Variants in DDX10 observed in about 807,000 individuals in gnomAD.
DDX10 encodes probable ATP-dependent RNA helicase DDX10.
DDX10 carries 74 observed loss-of-function variants against 104.3 expected under a neutral mutation model. That is an observed-to-expected ratio of 0.71 (90% CI 0.59 to 0.86). The LOEUF is 0.86. DDX10 is among the 40% of genes least tolerant of loss of function. DDX10 has a pLI of 0.00. For missense variants in DDX10, 952 were observed against 1,040.0 expected, an observed-to-expected ratio of 0.92 and a Z score of 1.16; for synonymous variants, 351 against 353.4, an observed-to-expected ratio of 0.99 and a Z score of 0.08.
chr11:108,906,748 A>T (rs970692388), intron 16 of DDX10, among the ~76,000 whole-genome samples: 2 of 152,248 alleles, frequency 1.3e-5, no homozygotes, highest in Admixed American at 6.5e-5. Flanking sequence ...CCATTATTTA[A>T]TAGGGCGTTA....
intron 9 of DDX10, among the ~76,000 whole-genome samples, chr11:108,696,004 G>A (rs563978402): frequency 6.6e-6 from 1 of 152,178 alleles, no homozygotes; most frequent in South Asian, 2.1e-4. Context: ...GTTAGGATTA[G>A]GTTTTGTATA....
At chr11:108,869,156 A>G (rs182878934) in intron 16 of DDX10, among the ~76,000 whole-genome samples, 305 of 151,792 alleles carry the variant, frequency 2.0e-3, no homozygotes, top group African/African-American at 7.0e-3. Flanking sequence ...AAAGCCATGC[A>G]CACAATTCTA....
intron 13 of DDX10, among the ~76,000 whole-genome samples, chr11:108,761,468 A>G (rs1257516045): frequency 6.6e-6 from 1 of 151,980 alleles, no homozygotes; most frequent in Non-Finnish European, 1.5e-5. Context: ...TAAACTTCAA[A>G]TCTTTTCTAT....
chr11:108,739,969 T>C (rs928797180), intron 13 of DDX10, among the ~76,000 whole-genome samples: 1 of 151,522 alleles, frequency 6.6e-6, no homozygotes, highest in Non-Finnish European at 1.5e-5. Flanking sequence ...AAGTTTTGGC[T>C]ACCCACCTTT....
At chr11:108,849,839 C>T (rs766377258) in intron 15 of DDX10, among the ~76,000 whole-genome samples, 1 of 152,068 alleles carries the variant, frequency 6.6e-6, no homozygotes, top group Non-Finnish European at 1.5e-5. Context: ...TACTTTTCTC[C>T]TGAAGTAATT....
At chr11:108,754,970 G>T (rs919733274) in intron 13 of DDX10, among the ~76,000 whole-genome samples, 4 of 152,018 alleles carry the variant, frequency 2.6e-5, no homozygotes, top group Non-Finnish European at 5.9e-5. Context: ...TTCACTATTT[G>T]AGGAAATCTG....
chr11:108,894,222 T>TAC (rs1353285621), intron 16 of DDX10, among the ~76,000 whole-genome samples: 1 of 152,062 alleles, frequency 6.6e-6, no homozygotes, highest in Non-Finnish European at 1.5e-5. Context: ...GATTGGCACT[T>TAC]AGTTTTCAGA....
At chr11:108,882,685 G>C (rs1863242969) in intron 16 of DDX10, among the ~76,000 whole-genome samples, 1 of 152,186 alleles carries the variant, frequency 6.6e-6, no homozygotes, top group Admixed American at 6.5e-5. Context: ...GATGGGAAGT[G>C]AGACTTAACA....
intron 13 of DDX10, among the ~76,000 whole-genome samples, chr11:108,785,895 AT>A (rs140446950): frequency 1.3e-5 from 2 of 152,012 alleles, no homozygotes; most frequent in East Asian, 3.9e-4. Context: ...TTAGAGTTGA[AT>A]TTTTGTTTTG....
intron 6 of DDX10, among the ~76,000 whole-genome samples, chr11:108,688,650 T>C (rs2134448199): frequency 6.6e-6 from 1 of 152,342 alleles, no homozygotes; most frequent in South Asian, 2.1e-4. Context: ...CAAGTTCTCT[T>C]ACACCTCTTC....
chr11:108,665,452 G>A, intron 1 of DDX10, 113 bp downstream of exon 1: 1 of 1,266,402 alleles, frequency 7.9e-7, no homozygotes, highest in Non-Finnish European at 1.1e-6. Flanking sequence ...ACCCGGCCGG[G>A]AATGAGAGGT....
At chr11:108,850,011 T>TA (rs1862770154) in intron 15 of DDX10, among the ~76,000 whole-genome samples, 1 of 152,158 alleles carries the variant, frequency 6.6e-6, no homozygotes, top group Admixed American at 6.6e-5. Flanking sequence ...TACTCTTGGC[T>TA]CTTTTCAGAG....
At chr11:108,841,830 A>G (rs1435284618) in intron 15 of DDX10, among the ~76,000 whole-genome samples, 1 of 152,190 alleles carries the variant, frequency 6.6e-6, no homozygotes, top group Non-Finnish European at 1.5e-5. Flanking sequence ...CATTACTGGA[A>G]TGTTTTATAT....
intron 16 of DDX10, among the ~76,000 whole-genome samples, chr11:108,872,820 T>TTCCCC (rs1565305030): frequency 6.9e-6 from 1 of 145,110 alleles, no homozygotes; most frequent in Non-Finnish European, 1.5e-5. Context: ...TAATTTCCGT[T>TTCCCC]CCCCCCCCCT....
chr11:108,668,358 G>C (rs1282419952), intron 1 of DDX10, among the ~76,000 whole-genome samples: 3 of 151,650 alleles, frequency 2.0e-5, no homozygotes, highest in Non-Finnish European at 4.4e-5. Context: ...AATCCCATTT[G>C]TTTCATTGTT....
chr11:108,775,023 C>T (rs544754137), intron 13 of DDX10, among the ~76,000 whole-genome samples: 2 of 152,358 alleles, frequency 1.3e-5, no homozygotes, highest in Middle Eastern at 3.4e-3. Flanking sequence ...AAAGGAAACA[C>T]TACCAACTAG....
At chr11:108,900,694 A>G (rs1863506268) in intron 16 of DDX10, among the ~76,000 whole-genome samples, 1 of 152,268 alleles carries the variant, frequency 6.6e-6, no homozygotes, top group Non-Finnish European at 1.5e-5. Flanking sequence ...TGCCCTGTAT[A>G]TTCTTCCCAT....
intron 10 of DDX10, among the ~76,000 whole-genome samples, chr11:108,715,025 G>A (rs1011478782): frequency 1.3e-5 from 2 of 151,982 alleles, no homozygotes; most frequent in Non-Finnish European, 1.5e-5. Flanking sequence ...GAGAAACAAT[G>A]AGGTCTCTTT....
chr11:108,713,063 G>GC (rs955031732), intron 10 of DDX10, among the ~76,000 whole-genome samples: 7 of 152,052 alleles, frequency 4.6e-5, no homozygotes, highest in South Asian at 2.1e-4. Flanking sequence ...TAGATGAGGT[G>GC]CCCCCCGTCC....
Sources: allele counts gnomAD v4.1 joint callset (sites outside exome capture counted in the v4.1 genomes callset), GRCh38; gene constraint gnomAD v4.1.1; transcripts MANE v1.5; gene names NCBI Gene and HGNC (gene_info 2026-07-23, HGNC 2026-07-21).